METTL15: variants seen among roughly 807,000 people sequenced by gnomAD.
METTL15 encodes the protein methyltransferase 15, mitochondrial 12S rRNA N4-cytidine, also known as 12S rRNA N(4)-cytidine methyltransferase METTL15.
In METTL15, 34 loss-of-function variants were observed where a neutral mutation model predicts 38.3. The observed-to-expected ratio is 0.89, with a 90% CI of 0.68 to 1.18. The LOEUF is 1.18. METTL15 is among the 50% of genes most tolerant of loss of function. The probability of loss-of-function intolerance (pLI) is 0.00; values close to 1 mark genes in which losing one functional copy is unlikely to be tolerated. For missense variants in METTL15, 438 were observed against 498.4 expected (o/e 0.88, Z 1.15); for synonymous variants, 162 against 170.9 (o/e 0.95, Z 0.41).
At chr11:28,250,893 T>C (rs1019434495) in intron 4 of METTL15, among the ~76,000 whole-genome samples, 65 of 152,144 alleles carry the variant, frequency 4.3e-4, no homozygotes, top group African/African-American at 1.2e-3. Flanking sequence ...GCCCTTTTTT[T>C]CCCCTATTTT....
chr11:28,161,107 C>CTTTTTTTTTTTTTTTTTTTTTTTTTT (rs10660185), intron 3 of METTL15, among the ~76,000 whole-genome samples: 3 of 131,902 alleles, frequency 2.3e-5, no homozygotes, highest in Non-Finnish European at 3.2e-5. Flanking sequence ...TTGCACCTTC[C>CTTTTTTTTTTTTTTTTTTTTTTTTTT]TTTTTTTTTT....
chr11:28,186,311 A>G (rs550387044), intron 3 of METTL15, among the ~76,000 whole-genome samples: 3 of 151,302 alleles, frequency 2.0e-5, no homozygotes, highest in East Asian at 3.9e-4. Context: ...TAGCCAACCT[A>G]TATAATGGGA....
chr11:28,465,760 T>G (rs1308673341), intron 6 of METTL15, among the ~76,000 whole-genome samples: 1 of 152,182 alleles, frequency 6.6e-6, no homozygotes, highest in Admixed American at 6.5e-5. Context: ...TATTGACATT[T>G]TGGGCTAGAT....
chr11:28,227,129 G>C (rs1202671362), intron 4 of METTL15, among the ~76,000 whole-genome samples: 2 of 151,724 alleles, frequency 1.3e-5, no homozygotes, highest in Non-Finnish European at 3.0e-5. Flanking sequence ...CTTGACTCTA[G>C]TCTACCAAAC....
intron 6 of METTL15, among the ~76,000 whole-genome samples, chr11:28,458,493 G>A (rs1851188679): frequency 6.6e-6 from 1 of 152,142 alleles, no homozygotes; most frequent in Non-Finnish European, 1.5e-5. Flanking sequence ...TCCAAAGCCT[G>A]GAGATCTTAA....
At chr11:28,128,513 ATGT>A (rs1035557204) in intron 3 of METTL15, among the ~76,000 whole-genome samples, 45 of 152,122 alleles carry the variant, frequency 3.0e-4, no homozygotes, top group African/African-American at 1.0e-3. Context: ...AAAATTGGAC[ATGT>A]TGTAGTTTCT....
intron 3 of METTL15, among the ~76,000 whole-genome samples, chr11:28,168,480 ATTATAC>A (rs1312039847): frequency 1.3e-5 from 2 of 149,674 alleles, no homozygotes; most frequent in African/African-American, 4.9e-5. Context: ...TTTTTTTTTA[ATTATAC>A]TTTAAGTTTT....
intron 3 of METTL15, among the ~76,000 whole-genome samples, chr11:28,175,917 A>T (rs1447176240): frequency 2.0e-5 from 3 of 151,978 alleles, no homozygotes; most frequent in African/African-American, 4.8e-5. Context: ...GCAAATATAT[A>T]TATATATATG....
intron 4 of METTL15, among the ~76,000 whole-genome samples, chr11:28,249,396 C>T (rs1489414896): frequency 2.0e-5 from 3 of 151,872 alleles, no homozygotes; most frequent in African/African-American, 7.2e-5. Context: ...TCATTATGTA[C>T]TTAGCTAAAA....
chr11:28,175,263 C>T (rs1469771153), intron 3 of METTL15, among the ~76,000 whole-genome samples: 4 of 140,718 alleles, frequency 2.8e-5, no homozygotes, highest in Non-Finnish European at 6.1e-5. Context: ...CATGTCCCTA[C>T]AAAGGACATG....
intron 3 of METTL15, among the ~76,000 whole-genome samples, chr11:28,177,528 A>G (rs893788205): frequency 5.9e-5 from 9 of 152,034 alleles, no homozygotes; most frequent in Admixed American, 4.6e-4. Flanking sequence ...ATGGCAATGT[A>G]GGCCCAACAT....
chr11:28,313,721 A>G (rs1293297175), intron 6 of METTL15, among the ~76,000 whole-genome samples: 2 of 151,934 alleles, frequency 1.3e-5, no homozygotes, highest in Non-Finnish European at 2.9e-5. Flanking sequence ...ATTTTATGCC[A>G]ATATACTAGA....
At chr11:28,132,105 T>A (rs1849358541) in intron 3 of METTL15, among the ~76,000 whole-genome samples, 1 of 152,226 alleles carries the variant, frequency 6.6e-6, no homozygotes, top group South Asian at 2.1e-4. Flanking sequence ...CTAGTTTCAA[T>A]ATCTTTCCTA....
intron 6 of METTL15, among the ~76,000 whole-genome samples, chr11:28,472,888 A>G (rs2133465776): frequency 6.6e-6 from 1 of 152,332 alleles, no homozygotes; most frequent in East Asian, 1.9e-4. Context: ...CACTCAGTAG[A>G]AAATGTAATT....
At chr11:28,239,049 T>G (rs1227972617) in intron 4 of METTL15, among the ~76,000 whole-genome samples, 1 of 152,198 alleles carries the variant, frequency 6.6e-6, no homozygotes. Context: ...CAGGGCTCAT[T>G]CTACAGGCCT....
chr11:28,124,272 C>A (rs1254949275), intron 3 of METTL15, among the ~76,000 whole-genome samples: 3 of 152,102 alleles, frequency 2.0e-5, no homozygotes, highest in Non-Finnish European at 4.4e-5. Context: ...GCCCCTTAAT[C>A]CCTTAGGACA....
chr11:28,525,470 G>A (rs1851802538), intron 6 of METTL15, among the ~76,000 whole-genome samples: 1 of 151,862 alleles, frequency 6.6e-6, no homozygotes, highest in Non-Finnish European at 1.5e-5. Flanking sequence ...TTACAACCTT[G>A]AGCTAGAAAC....
At chr11:28,522,135 G>C (rs1392774954) in intron 6 of METTL15, among the ~76,000 whole-genome samples, 1 of 152,164 alleles carries the variant, frequency 6.6e-6, no homozygotes, top group Non-Finnish European at 1.5e-5. Context: ...AGAATCTGGG[G>C]GATGTTAGGC....
chr11:28,396,592 G>T (rs1341072688), intron 5 of METTL15, among the ~76,000 whole-genome samples: 1 of 152,006 alleles, frequency 6.6e-6, no homozygotes, highest in Non-Finnish European at 1.5e-5. Context: ...AATAAAAGAG[G>T]ACACAAAAAA....
Sources: allele counts gnomAD v4.1 joint callset (sites outside exome capture counted in the v4.1 genomes callset), GRCh38; gene constraint gnomAD v4.1.1; transcripts MANE v1.5; gene names NCBI Gene and HGNC (gene_info 2026-07-23, HGNC 2026-07-21).